TMEM44: variants seen among roughly 807,000 people sequenced by gnomAD.
TMEM44 encodes the protein transmembrane protein 44.
Under a neutral mutation model 47.8 loss-of-function variants are expected in TMEM44, and 43 were observed. That is an observed-to-expected ratio of 0.90 (90% CI 0.70 to 1.16). TMEM44 has a LOEUF of 1.16. Among genes scored for constraint, TMEM44 ranks in the 50% most tolerant of loss-of-function variants. The pLI, the probability that TMEM44 is intolerant of heterozygous loss-of-function variation, is 0.00. For missense variants in TMEM44, 568 were observed against 555.2 expected (o/e 1.02, Z -0.23); for synonymous variants, 277 against 238.8 (o/e 1.16, Z -1.48).
intron 9 of TMEM44, chr3:194,597,085 T>TGCGTGCACACACCCACATGCACAC (rs71179376): frequency 0.3 from 46,126 of 151,428 alleles, 8,672 homozygotes; most frequent in Non-Finnish European, 0.43. Context: ...CACATGGGCA[T>TGCGTGCACACACCCACATGCACAC]GCGTGCACAC....
intron 1 of TMEM44, among the ~76,000 whole-genome samples, chr3:194,629,037 G>A (rs573692383): frequency 3.3e-5 from 5 of 152,030 alleles, no homozygotes; most frequent in Middle Eastern, 3.4e-3. Flanking sequence ...GGTGGCGTGC[G>A]CCTGTAATCC....
chr3:194,628,044 C>T (rs1457423586), intron 2 of TMEM44, among the ~76,000 whole-genome samples: 1 of 152,108 alleles, frequency 6.6e-6, no homozygotes, highest in Non-Finnish European at 1.5e-5. Flanking sequence ...ATAATGGTGA[C>T]CCACCTCTTC....
In TMEM44 at chr3:194,592,173, G is replaced by A. The variant is rs935411010; in HGVS notation, c.1177-3534C>T. Among the ~76,000 whole-genome samples, 10 of 149,412 alleles carry A rather than the reference G, an allele frequency of 6.7e-5. 1 individual carries two copies. Among genetic ancestry groups the A allele is most frequent in the African/African-American group, 2.2e-4 (9 of 40,118 alleles). On this transcript the variant is annotated intron_variant, in intron 9 of 9. Coordinates refer to ENST00000347147, the MANE Select transcript of TMEM44 (RefSeq NM_001011655.3). ...GCGGAGCTTGCAGTGAGCCGAGATC[G>A]CACCACTGCAGTCCGCAGTCCGGCC...
intron 5 of TMEM44, among the ~76,000 whole-genome samples, chr3:194,618,864 G>C (rs1046275535): frequency 6.6e-6 from 1 of 152,120 alleles, no homozygotes; most frequent in African/African-American, 2.4e-5. Context: ...TCTGGCCTGC[G>C]CCCTGAAGAC....
At chr3:194,616,953 C>T (rs778022364) in intron 6 of TMEM44, 146 bp downstream of exon 6, 26 of 862,192 alleles carry the variant, frequency 3.0e-5, no homozygotes, top group Non-Finnish European at 4.2e-5. Flanking sequence ...TTGTGTTTGC[C>T]TGCCCCAAGC....
intron 8 of TMEM44, among the ~76,000 whole-genome samples, chr3:194,607,248 A>G (rs1714879514): frequency 6.6e-6 from 1 of 152,032 alleles, no homozygotes; most frequent in Non-Finnish European, 1.5e-5. Context: ...GCCTTCCCCC[A>G]TGAGTGGAGG....
chr3:194,614,019 G>C (rs1715616499), intron 7 of TMEM44, among the ~76,000 whole-genome samples: 1 of 151,958 alleles, frequency 6.6e-6, no homozygotes, highest in Non-Finnish European at 1.5e-5. Context: ...CTACTTGGGA[G>C]GCTGAGGCAG....
chr3:194,619,510 G>T (rs1716296299), intron 5 of TMEM44, among the ~76,000 whole-genome samples: 1 of 152,196 alleles, frequency 6.6e-6, no homozygotes, highest in Admixed American at 6.5e-5. Context: ...AGGACTCCTG[G>T]TGTCAGCACA....
intron 8 of TMEM44, among the ~76,000 whole-genome samples, chr3:194,607,904 G>T (rs1409802571): frequency 5.3e-5 from 8 of 152,178 alleles, no homozygotes; most frequent in Non-Finnish European, 1.2e-4. Context: ...GAAAAAGCTG[G>T]GTGGAAGCTC....
chr3:194,620,256 A>G lies in TMEM44; in HGVS notation c.612+2968T>C, dbSNP rs532420771. Reference sequence around the variant, plus strand: ...CAGTGAGCCGAGATCGTGCCATTGCACTCCAGCCTGGCTGACAAGTGAAAC... The same window carrying G: ...CAGTGAGCCGAGATCGTGCCATTGCGCTCCAGCCTGGCTGACAAGTGAAAC... On this transcript the variant is annotated intron_variant, in intron 5 of 9. Transcript: ENST00000347147. Among the ~76,000 whole-genome samples the G allele has an allele frequency of 7.2e-5, 10 of 138,866 alleles. No individual in the cohort carries two copies. In the East Asian group the frequency reaches 1.7e-3, roughly 23 times the overall value. The allele number at this position is 138,866 out of a possible 152,430, so 91.1% of individuals were successfully genotyped here. A position where few individuals can be genotyped will look rare whatever the true frequency, so the allele number is the denominator to read the frequency against.
intron 3 of TMEM44, among the ~76,000 whole-genome samples, chr3:194,625,516 C>T (rs1394827052): frequency 6.6e-6 from 1 of 151,760 alleles, no homozygotes; most frequent in African/African-American, 2.4e-5. Context: ...GACTCTTGCT[C>T]TGTCGCCAGG....
chr3:194,625,347 G>A (rs1263694820), intron 3 of TMEM44, among the ~76,000 whole-genome samples: 1 of 151,290 alleles, frequency 6.6e-6, no homozygotes, highest in Non-Finnish European at 1.5e-5. Context: ...CTTGACACCA[G>A]CAGCCCTTCC....
At chr3:194,631,111 C>T (rs1205699852) in intron 1 of TMEM44, among the ~76,000 whole-genome samples, 2 of 151,508 alleles carry the variant, frequency 1.3e-5, no homozygotes, top group Admixed American at 1.3e-4. Context: ...TTTCTATTGG[C>T]GTCACCGATA....
intron 5 of TMEM44, among the ~76,000 whole-genome samples, chr3:194,621,192 G>A (rs1050394586): frequency 2.2e-4 from 34 of 152,208 alleles, no homozygotes; most frequent in African/African-American, 7.7e-4. Context: ...AGAAAGGTAC[G>A]GAGGGAAGGC....
rs1716011005 is a variant in TMEM44 at position 194,617,249 on chromosome 3, G to A, written c.633C>T (p.Pro211=). The A allele has an allele frequency of 4.5e-6, 7 of 1,543,740 alleles. No individual in the cohort carries two copies. Among genetic ancestry groups the A allele is most frequent in the South Asian group, 1.2e-5 (1 of 83,316 alleles). The change falls in exon 6 of 10, where the codon CCC becomes CCT. Residue 211 remains proline (P), a synonymous_variant. Coordinates refer to ENST00000347147, the MANE Select transcript of TMEM44 (RefSeq NM_001011655.3). ...LSRICRGKTF[P]SIHLWTRLLS... ...GGAGCCGGGTCCACAGGTGGATGGA[G>A]GGAAATGTCTTCCCCCGGCACTGGG...
At chr3:194,620,074 G>A (rs1027145863) in intron 5 of TMEM44, among the ~76,000 whole-genome samples, 1 of 151,918 alleles carries the variant, frequency 6.6e-6, no homozygotes, top group Non-Finnish European at 1.5e-5. Context: ...GTGGATCACC[G>A]AATGTCAGGA....
chr3:194,633,375 C>T lies in TMEM44; in HGVS notation c.-160G>A, dbSNP rs1388313958. ...CCGACCGCGGGCAGAGAAGGGCGCG[C>T]TCCCGGGCGCGGGCGGCGGCGGCGA... On this transcript the variant is annotated 5_prime_UTR_variant, in exon 1 of 10. Transcript: ENST00000347147. 1 of 226,952 alleles carries T rather than the reference C, an allele frequency of 4.4e-6. No individual in the cohort carries two copies. Among genetic ancestry groups the T allele is most frequent in the East Asian group, 1.8e-4 (1 of 5,688 alleles). The allele number at this position is 226,952 out of a possible 1,614,324, so 14.1% of individuals were successfully genotyped here.
chr3:194,588,692 A>T, intron 9 of TMEM44, 53 bp from the exon 10 acceptor site: 1 of 1,526,384 alleles, frequency 6.6e-7, no homozygotes, highest in Non-Finnish European at 9.1e-7. Context: ...GATGCTTCTC[A>T]TCTGTCATAA....
At chr3:194,616,973 C>T in intron 6 of TMEM44, 126 bp downstream of exon 6, 2 of 1,085,236 alleles carry the variant, frequency 1.8e-6, no homozygotes, top group South Asian at 1.8e-5. Flanking sequence ...CTTCAAACCA[C>T]TCCCTTACTG....
Sources: allele counts gnomAD v4.1 joint callset (sites outside exome capture counted in the v4.1 genomes callset), GRCh38; gene constraint gnomAD v4.1.1; transcripts MANE v1.5; gene names NCBI Gene and HGNC (gene_info 2026-07-23, HGNC 2026-07-21).